The following STXBP4 variants were observed in gnomAD, a reference collection of about 807,000 sequenced individuals.
STXBP4 encodes the protein syntaxin-binding protein 4.
Under a neutral mutation model 76.1 loss-of-function variants are expected in STXBP4, and 55 were observed. The observed-to-expected ratio is 0.72, with a 90% CI of 0.58 to 0.91. The LOEUF is 0.91. Among genes scored for constraint, STXBP4 ranks in the 40% least tolerant of loss-of-function variants. The pLI is 0.00. For missense variants in STXBP4, 618 were observed against 636.9 expected (o/e 0.97, Z 0.32); for synonymous variants, 201 against 220.2 (o/e 0.91, Z 0.77).
intron 16 of STXBP4, among the ~76,000 whole-genome samples, chr17:55,124,369 T>TTA (rs1162820848): frequency 1.5e-4 from 23 of 152,232 alleles, no homozygotes; most frequent in Non-Finnish European, 2.9e-5. Flanking sequence ...GCATGACCCT[T>TTA]TAAAGGCATT....
intron 7 of STXBP4, among the ~76,000 whole-genome samples, chr17:55,004,051 C>T (rs1159903205): frequency 2.0e-5 from 3 of 151,746 alleles, no homozygotes; most frequent in Non-Finnish European, 2.9e-5. Flanking sequence ...CAGTGGTGCA[C>T]GCCTGAAGTC....
intron 15 of STXBP4, among the ~76,000 whole-genome samples, chr17:55,080,303 A>G (rs570528845): frequency 1.3e-5 from 2 of 152,258 alleles, no homozygotes; most frequent in East Asian, 3.9e-4. Flanking sequence ...CTCTACATGG[A>G]TATTGGCCCT....
At chr17:55,129,065 G>A (rs1251714444) in intron 16 of STXBP4, among the ~76,000 whole-genome samples, 1 of 151,666 alleles carries the variant, frequency 6.6e-6, no homozygotes, top group Non-Finnish European at 1.5e-5. Flanking sequence ...GAGTAGCTGG[G>A]ACTACAGACA....
chr17:55,130,526 T>C (rs77336089), intron 16 of STXBP4, among the ~76,000 whole-genome samples: 2,713 of 152,148 alleles, frequency 0.018, 61 homozygotes, highest in African/African-American at 0.049. Context: ...TTCTTTGTGG[T>C]AGAACATTTA....
chr17:55,180,281 A>G, the STXBP4 span, among the ~76,000 whole-genome samples: 52 of 152,254 alleles, frequency 3.4e-4, no homozygotes, highest in African/African-American at 1.2e-3. Flanking sequence ...AAGTAGTAAT[A>G]TTTTCTTAAA....
intron 1 of STXBP4, among the ~76,000 whole-genome samples, chr17:54,984,054 T>C (rs1028747966): frequency 7.2e-5 from 11 of 152,182 alleles, no homozygotes; most frequent in African/African-American, 2.2e-4. Flanking sequence ...ATGCTTCCAC[T>C]GTTCCTGTTG....
At chr17:55,039,238 T>G (rs1358969405) in intron 10 of STXBP4, among the ~76,000 whole-genome samples, 1 of 152,130 alleles carries the variant, frequency 6.6e-6, no homozygotes, top group Non-Finnish European at 1.5e-5. Context: ...TTGAGTAAAT[T>G]TTGAGGGATA....
intron 8 of STXBP4, among the ~76,000 whole-genome samples, chr17:55,011,508 C>CTTTTTCTT (rs1555566818): frequency 3.5e-5 from 3 of 85,926 alleles, no homozygotes; most frequent in African/African-American, 5.3e-5. Flanking sequence ...TTTTCTTTTT[C>CTTTTTCTT]TTTTTTTTTT....
the STXBP4 span, among the ~76,000 whole-genome samples, chr17:55,205,860 T>A: frequency 3.3e-5 from 5 of 152,142 alleles, no homozygotes; most frequent in Admixed American, 6.5e-5. Context: ...ATCATTTCAC[T>A]TCTAGGAGTT....
At chr17:55,023,996 G>A (rs547631915) in intron 8 of STXBP4, among the ~76,000 whole-genome samples, 2 of 142,924 alleles carry the variant, frequency 1.4e-5, no homozygotes, top group Admixed American at 1.4e-4. Flanking sequence ...CCCAAAGAAA[G>A]ATGATTGGTA....
At chr17:55,147,233 TA>T (rs1185860751) in intron 17 of STXBP4, among the ~76,000 whole-genome samples, 30 of 152,064 alleles carry the variant, frequency 2.0e-4, no homozygotes, top group African/African-American at 7.0e-4. Context: ...GACCAGGGGG[TA>T]GGGGGACGGT....
the STXBP4 span, among the ~76,000 whole-genome samples, chr17:55,201,282 G>A: frequency 6.6e-6 from 1 of 152,110 alleles, no homozygotes; most frequent in East Asian, 1.9e-4. Context: ...TGATTGTACT[G>A]TTTTTATTTA....
chr17:55,045,328 A>G (rs998361884), intron 11 of STXBP4, among the ~76,000 whole-genome samples: 7 of 152,106 alleles, frequency 4.6e-5, no homozygotes, highest in African/African-American at 1.4e-4. Context: ...TACATTGACA[A>G]TGATTTCCTT....
intron 16 of STXBP4, among the ~76,000 whole-genome samples, chr17:55,107,924 T>C (rs1486338533): frequency 1.3e-5 from 2 of 152,204 alleles, no homozygotes; most frequent in Admixed American, 1.3e-4. Flanking sequence ...ATGCAGTATG[T>C]CCCTTAGTAG....
At chr17:55,078,606 T>C (rs2079217535) in intron 14 of STXBP4, 80 bp from the exon 15 acceptor site, 6 of 903,176 alleles carry the variant, frequency 6.6e-6, no homozygotes, top group Admixed American at 2.1e-5. Context: ...CAGAGGAGGT[T>C]ATAAATATTA....
chr17:55,031,121 C>A (rs1414373640), intron 8 of STXBP4, 47 bp from the exon 9 acceptor site: 4 of 1,421,840 alleles, frequency 2.8e-6, no homozygotes, highest in African/African-American at 1.4e-5. Flanking sequence ...AAGTTTTATT[C>A]TTTGGAGATT....
intron 16 of STXBP4, among the ~76,000 whole-genome samples, chr17:55,121,738 A>G (rs1424978643): frequency 6.6e-6 from 1 of 151,972 alleles, no homozygotes; most frequent in Non-Finnish European, 1.5e-5. Flanking sequence ...CACCCACCCC[A>G]GTTCTGGTCA....
At chr17:55,028,144 C>A (rs1246534234) in intron 8 of STXBP4, among the ~76,000 whole-genome samples, 2 of 151,984 alleles carry the variant, frequency 1.3e-5, no homozygotes, top group Non-Finnish European at 2.9e-5. Context: ...CCTATAACTT[C>A]TGTATTAATA....
intron 1 of STXBP4, among the ~76,000 whole-genome samples, chr17:54,976,450 C>T (rs1215764188): frequency 6.6e-6 from 1 of 152,190 alleles, no homozygotes; most frequent in African/African-American, 2.4e-5. Flanking sequence ...AGGAAACCAA[C>T]CATCAGGCCT....
Sources: gnomAD v4.1 joint callset for allele counts (sites outside exome capture counted in the v4.1 genomes callset) on GRCh38, gnomAD v4.1.1 for gene constraint, MANE v1.5 for transcripts, NCBI Gene and HGNC (gene_info 2026-07-23, HGNC 2026-07-21) for gene names.